Variants in MGAT4C observed in about 807,000 individuals in gnomAD.
The protein encoded by MGAT4C is alpha-1,3-mannosyl-glycoprotein 4-beta-N-acetylglucosaminyltransferase C.
MGAT4C carries 19 observed loss-of-function variants against 40.1 expected under a neutral mutation model. That is an observed-to-expected ratio of 0.47 (90% CI 0.33 to 0.70). The LOEUF (loss-of-function observed/expected upper bound fraction) is 0.70, where lower values mean the gene tolerates loss of function less well. Among genes scored for constraint, MGAT4C ranks in the 30% least tolerant of loss-of-function variants. The pLI, the probability that MGAT4C is intolerant of heterozygous loss-of-function variation, is 0.02. For missense variants in MGAT4C, 491 were observed against 563.2 expected (o/e 0.87, Z 1.30); for synonymous variants, 181 against 187.1 (o/e 0.97, Z 0.27).
intron 3 of MGAT4C, among the ~76,000 whole-genome samples, chr12:86,401,293 T>TGC: frequency 6.6e-6 from 1 of 151,144 alleles, no homozygotes; most frequent in East Asian, 2.0e-4. Context: ...TGTGGGTGTG[T>TGC]GTGTGTGTGT....
chr12:86,730,432 G>T (rs1183937210), intron 1 of MGAT4C, among the ~76,000 whole-genome samples: 1 of 151,992 alleles, frequency 6.6e-6, no homozygotes, highest in Non-Finnish European at 1.5e-5. Flanking sequence ...CAGAGTATTT[G>T]ATTAACAGGA....
At chr12:86,042,867 CAAAAAAAAAA>C (rs140809256) in intron 2 of MGAT4C, among the ~76,000 whole-genome samples, 1 of 107,978 alleles carries the variant, frequency 9.3e-6, no homozygotes, top group Admixed American at 1.0e-4. Flanking sequence ...GACTCTGTCT[CAAAAAAAAAA>C]AAAAAAAAAA....
intron 3 of MGAT4C, among the ~76,000 whole-genome samples, chr12:86,386,519 T>A (rs189380985): frequency 6.6e-6 from 1 of 152,238 alleles, no homozygotes; most frequent in East Asian, 1.9e-4. Flanking sequence ...CAATCACAGT[T>A]GAAACATATC....
chr12:86,627,606 T>C (rs1962862589), intron 2 of MGAT4C, among the ~76,000 whole-genome samples: 1 of 152,326 alleles, frequency 6.6e-6, no homozygotes, highest in South Asian at 2.1e-4. Context: ...AAACAGCATC[T>C]GGAGTGGAGC....
At chr12:86,607,215 GTA>G (rs1303368670) in intron 2 of MGAT4C, among the ~76,000 whole-genome samples, 2 of 151,816 alleles carry the variant, frequency 1.3e-5, no homozygotes, top group Non-Finnish European at 2.9e-5. Context: ...CACTCATAAT[GTA>G]TATATTGATT....
chr12:86,139,171 T>C (rs972128524), intron 1 of MGAT4C, among the ~76,000 whole-genome samples: 1 of 152,172 alleles, frequency 6.6e-6, no homozygotes, highest in Non-Finnish European at 1.5e-5. Context: ...CAGTGTTTTA[T>C]TAAGTATTTA....
chr12:86,173,962 T>C (rs993596689), intron 1 of MGAT4C, among the ~76,000 whole-genome samples: 32 of 152,092 alleles, frequency 2.1e-4, no homozygotes, highest in African/African-American at 7.5e-4. Flanking sequence ...CATTTAATAC[T>C]GTCATTCTGT....
At chr12:86,490,859 C>T (rs1404776617) in intron 2 of MGAT4C, among the ~76,000 whole-genome samples, 1 of 152,118 alleles carries the variant, frequency 6.6e-6, no homozygotes, top group African/African-American at 2.4e-5. Context: ...ACAAGAAGAG[C>T]TAACTATCCT....
rs559762733 is a variant in MGAT4C at position 86,765,454 on chromosome 12, C to A, written c.-261-38213G>T. On this transcript the variant is annotated intron_variant, in intron 1 of 7. Coordinates refer to the MGAT4C transcript ENST00000548651. ...TGGAAAACACTCTGCAGGATATTAT[C>A]CAGGAGAAATTCCCCAATCCAGCAA... is the stretch of plus-strand genomic sequence containing the variant. 3.1e-4 allele frequency among the ~76,000 whole-genome samples: 47 copies of A among 152,238 alleles called. 1 individual carries two copies. The highest frequency in any genetic ancestry group is 7.7e-4 in the African/African-American group (32 of 41,532).
intron 3 of MGAT4C, among the ~76,000 whole-genome samples, chr12:86,397,387 G>A (rs566995376): frequency 7.2e-5 from 11 of 151,914 alleles, no homozygotes; most frequent in South Asian, 2.1e-4. Context: ...CCAAAACCCC[G>A]TTTTAAACCA....
At chr12:86,254,874 T>C (rs2136084793) in intron 1 of MGAT4C, among the ~76,000 whole-genome samples, 1 of 152,174 alleles carries the variant, frequency 6.6e-6, no homozygotes, top group East Asian at 1.9e-4. Flanking sequence ...TGTTCAGACC[T>C]GAATGGACTA....
Position 85,980,057 on chromosome 12 carries a change from A to T in MGAT4C, c.669T>A (p.Leu223=). Reference sequence around the variant, plus strand: ...TTTTTGAACATCGAACATCATCTTCAAGCATTACATAATAGTCTGAAGTAT... The same window carrying T: ...TTTTTGAACATCGAACATCATCTTCTAGCATTACATAATAGTCTGAAGTAT... ...CANTSDYYVM[L]EDDVRCSKNF... is the part of the protein sequence containing the mutation. Residue 223 remains leucine, a synonymous_variant, in exon 5 of 5, where the codon CTT becomes CTA. Coordinates refer to ENST00000611864, the MANE Select transcript of MGAT4C (RefSeq NM_001351288.2). 1 of 1,613,764 alleles carries T rather than the reference A, an allele frequency of 6.2e-7. No homozygotes were observed. The highest frequency in any genetic ancestry group is 1.3e-5 in the African/African-American group (1 of 75,036).
chr12:86,751,705 T>C (rs1348888411), intron 1 of MGAT4C, among the ~76,000 whole-genome samples: 1 of 152,084 alleles, frequency 6.6e-6, no homozygotes, highest in African/African-American at 2.4e-5. Flanking sequence ...TCAAAGCACA[T>C]TGCTTAATTT....
chr12:86,776,732 T>C (rs1460310510), intron 1 of MGAT4C, among the ~76,000 whole-genome samples: 1 of 152,138 alleles, frequency 6.6e-6, no homozygotes, highest in African/African-American at 2.4e-5. Context: ...TGAGTAATAA[T>C]TGGCTAAAAT....
intron 4 of MGAT4C, among the ~76,000 whole-genome samples, chr12:86,271,352 CG>C (rs1952940983): frequency 6.6e-6 from 1 of 152,006 alleles, no homozygotes; most frequent in Admixed American, 6.5e-5. Flanking sequence ...CATACAACAG[CG>C]GGCAAAGGAC....
intron 1 of MGAT4C, among the ~76,000 whole-genome samples, chr12:86,834,090 G>A (rs1040602653): frequency 2.0e-5 from 3 of 151,442 alleles, no homozygotes; most frequent in Non-Finnish European, 4.4e-5. Context: ...TGGATACCTA[G>A]GTTGCTTCCA....
intron 2 of MGAT4C, among the ~76,000 whole-genome samples, chr12:86,007,024 C>G (rs749018134): frequency 6.6e-6 from 1 of 152,056 alleles, no homozygotes; most frequent in African/African-American, 2.4e-5. Flanking sequence ...TCTGATTCAT[C>G]TAATAATTGT....
chr12:86,247,291 A>G (rs1422660767), intron 1 of MGAT4C, among the ~76,000 whole-genome samples: 2 of 152,196 alleles, frequency 1.3e-5, no homozygotes, highest in African/African-American at 4.8e-5. Flanking sequence ...ATTCAGTAGC[A>G]TCTCAGTACT....
intron 1 of MGAT4C, among the ~76,000 whole-genome samples, chr12:86,182,081 T>C (rs1487368082): frequency 6.6e-6 from 1 of 152,114 alleles, no homozygotes; most frequent in African/African-American, 2.4e-5. Flanking sequence ...TCTAAGTTGA[T>C]TTTCTAATAT....
Sources: gnomAD v4.1 joint callset for allele counts (sites outside exome capture counted in the v4.1 genomes callset) on GRCh38, gnomAD v4.1.1 for gene constraint, MANE v1.5 for transcripts, NCBI Gene and HGNC (gene_info 2026-07-23, HGNC 2026-07-21) for gene names.